MYH14: variants seen among roughly 807,000 people sequenced by gnomAD.
The protein encoded by MYH14 is myosin-14.
A neutral mutation model predicts 255.5 loss-of-function variants in MYH14; 123 were observed. The observed-to-expected ratio is 0.48, with a 90% confidence interval of 0.42 to 0.56. The LOEUF (loss-of-function observed/expected upper bound fraction) is 0.56. MYH14 is among the 20% of genes least tolerant of loss of function. The pLI is 0.00. For synonymous variants in MYH14, 1,095 were observed against 1,161.2 expected (o/e 0.94, Z 1.16); for missense variants, 2,423 against 2,802.3 (o/e 0.86, Z 3.06).
At position 50,309,804 on chromosome 19, in the gene MYH14, C is replaced by T. The variant is rs1255770083; in HGVS notation, c.*14C>T. On this transcript the variant is annotated 3_prime_UTR_variant, in exon 43 of 43. Transcript: ENST00000642316. ...CACCCCCAGTGACCCTACCCTGTCCCCAGATGCACTAACAGATGGGGCCCA... is the reference window on the plus strand; with the variant it reads ...CACCCCCAGTGACCCTACCCTGTCCTCAGATGCACTAACAGATGGGGCCCA... 3 of 1,568,534 alleles carry T rather than the reference C, an allele frequency of 1.9e-6. No individual in the cohort carries two copies. Among genetic ancestry groups the T allele is most frequent in the Non-Finnish European group, 8.6e-7 (1 of 1,156,264 alleles).
chr19:50,224,032 T>TGCCCCCCCCCCCCCCCCCCCCCCCCCCCC, intron 5 of MYH14, 122 bp from the exon 6 acceptor site: 1 of 610,328 alleles, frequency 1.6e-6, no homozygotes, highest in Non-Finnish European at 3.0e-6. Context: ...ATGCCCGGTT[T>TGCCCCCCCCCCCCCCCCCCCCCCCCCCCC]CCCCAGTCCC....
chr19:50,260,758 TGTGCGTGCATGA>T (rs773037920), intron 20 of MYH14, 43 bp downstream of exon 20: 15 of 1,451,972 alleles, frequency 1.0e-5, no homozygotes, highest in African/African-American at 9.7e-5. Flanking sequence ...CGTGTGTGTG[TGTGCGTGCATGA>T]GTGTGCGTGC....
chr19:50,238,054 G>A (rs2033738056), intron 10 of MYH14, among the ~76,000 whole-genome samples: 1 of 152,186 alleles, frequency 6.6e-6, no homozygotes, highest in South Asian at 2.1e-4. Flanking sequence ...ATCAAGGCAG[G>A]GTGTCTGTCC....
intron 23 of MYH14, among the ~76,000 whole-genome samples, chr19:50,267,907 C>G (rs1414774625): frequency 6.6e-6 from 1 of 151,774 alleles, no homozygotes; most frequent in Non-Finnish European, 1.5e-5. Context: ...CCAGAGAGAG[C>G]AGGGGTGCAG....
chr19:50,299,897 A>G (rs1448999737), intron 39 of MYH14, among the ~76,000 whole-genome samples: 1 of 152,202 alleles, frequency 6.6e-6, no homozygotes, highest in Non-Finnish European at 1.5e-5. Flanking sequence ...GTGAGCCGAG[A>G]TCGTGCCACT....
chr19:50,290,767 T>C, intron 35 of MYH14, 120 bp from the exon 36 acceptor site: 2 of 1,004,340 alleles, frequency 2.0e-6, no homozygotes, highest in Non-Finnish European at 2.9e-6. Context: ...AGTCAGGGAG[T>C]GAGAGGAGCG....
chr19:50,297,501 T>C (rs1390585142), intron 39 of MYH14, among the ~76,000 whole-genome samples: 4 of 134,146 alleles, frequency 3.0e-5, no homozygotes, highest in Non-Finnish European at 3.2e-5. Context: ...CTTTTTTTTT[T>C]TTTTTTTTTT....
At chr19:50,264,280 C>G (rs2035003228) in intron 22 of MYH14, among the ~76,000 whole-genome samples, 1 of 152,098 alleles carries the variant, frequency 6.6e-6, no homozygotes, top group South Asian at 2.1e-4. Flanking sequence ...GGGCTGGTCA[C>G]ACAGGCATGG....
chr19:50,242,462 G>T (rs188072875), intron 10 of MYH14, among the ~76,000 whole-genome samples: 1 of 152,202 alleles, frequency 6.6e-6, no homozygotes, highest in East Asian at 1.9e-4. Flanking sequence ...AGCAAAAGGG[G>T]TTTCCACTTA....
Position 50,286,645 on chromosome 19 carries a change from G to T in MYH14, c.4703G>T (p.Arg1568Leu). The T allele has an allele frequency of 6.3e-7, 1 of 1,588,928 alleles. No individual in the cohort carries two copies. Among genetic ancestry groups the T allele is most frequent in the East Asian group, 2.3e-5 (1 of 43,824 alleles). The change falls in exon 34 of 43, where the codon CGG becomes CTG. Residue 1568 changes from arginine (R) to leucine (L), a missense_variant. Transcript: ENST00000642316. Reference protein sequence around the residue: ...EELERQNRALRAELEALLSSK... With the variant: ...EELERQNRALLAELEALLSSK... ...CTGGAGCGGCAGAACCGGGCCCTGC[G>T]GGCTGAGCTGGAGGCACTGCTGAGC...
chr19:50,271,097 C>T (rs554888635), intron 24 of MYH14, among the ~76,000 whole-genome samples: 1 of 152,126 alleles, frequency 6.6e-6, no homozygotes, highest in Admixed American at 6.5e-5. Flanking sequence ...GGCAAGATCT[C>T]GCTCTGTTAC....
rs2035684196 is a variant in MYH14 at position 50,280,567 on chromosome 19, C to T, written c.4290+184C>T. 6.6e-6 allele frequency among the ~76,000 whole-genome samples: 1 copy of T among 152,196 alleles called. No homozygotes were observed. Among genetic ancestry groups the T allele is most frequent in the Admixed American group, 6.5e-5 (1 of 15,278 alleles). On this transcript the variant is annotated intron_variant, in intron 32 of 42. Transcript: ENST00000642316. This position sits in a 1 kb window ranked among gnomAD's most constrained non-coding sequence, Gnocchi z 4.8. ...TGCCCAGCCCTGGCTGTCCTGACCC[C>T]TGACTCTCAGCCTCATCCCTTGTCC...
At chr19:50,258,110 T>C (rs2034659593) in intron 18 of MYH14, among the ~76,000 whole-genome samples, 2 of 151,978 alleles carry the variant, frequency 1.3e-5, no homozygotes, top group African/African-American at 4.8e-5. Context: ...TCAATGGGAA[T>C]GGAAAACAAC....
intron 3 of MYH14, among the ~76,000 whole-genome samples, chr19:50,222,155 G>A (rs746803012): frequency 7.2e-5 from 11 of 152,216 alleles, no homozygotes; most frequent in South Asian, 2.1e-4. Context: ...GTCTCCTGGC[G>A]GGAATGGAGG....
rs554377792 is a variant in MYH14, at chr19:50,284,128, T to A, written c.4539+2286T>A. Among the ~76,000 whole-genome samples, 8 of 152,220 alleles carry A rather than the reference T, an allele frequency of 5.3e-5. No homozygotes were observed. In the South Asian group the frequency reaches 1.7e-3, roughly 32 times the overall value. ...CAAAAAAAAAGAAAGAAGTTATTTA[T>A]GTATTCTAAATGCAAGTTCTTTATC... On this transcript the variant is annotated intron_variant, in intron 33 of 42. Coordinates refer to ENST00000642316, the MANE Select transcript of MYH14 (RefSeq NM_001145809.2).
At chr19:50,265,397 T>C (rs1381549881) in intron 22 of MYH14, among the ~76,000 whole-genome samples, 4 of 151,362 alleles carry the variant, frequency 2.6e-5, no homozygotes, top group African/African-American at 9.7e-5. Context: ...GGTGCACACC[T>C]GTAGTCCCAG....
At position 50,230,747 on chromosome 19, in the gene MYH14, A is replaced by C. The variant is rs117528736; in HGVS notation, c.973+124A>C. On this transcript the variant is annotated intron_variant, in intron 9 of 42. Coordinates refer to ENST00000642316, the MANE Select transcript of MYH14 (RefSeq NM_001145809.2). This position sits in a 1 kb window ranked among gnomAD's most constrained non-coding sequence, Gnocchi z 4.7. ...AATATCCGTCAAACACCGACTTCGCATGAGGCTCCCGCAGCCCCTGCTCTC... is the reference window on the plus strand; with the variant it reads ...AATATCCGTCAAACACCGACTTCGCCTGAGGCTCCCGCAGCCCCTGCTCTC... 16,087 of 761,822 alleles carry C rather than the reference A, an allele frequency of 0.021. 232 individuals carry two copies. Among genetic ancestry groups the C allele is most frequent in the Middle Eastern group, 0.034 (145 of 4,250 alleles). 47.2% of individuals were successfully genotyped at this position (761,822 alleles called of 1,614,324 possible).
chr19:50,258,569 A>G (rs897092654), intron 18 of MYH14: 2 of 152,042 alleles, frequency 1.3e-5, no homozygotes, highest in African/African-American at 4.8e-5. Flanking sequence ...TCAAAATACA[A>G]AAATTAGCTG....
chr19:50,263,294 A>G lies in MYH14; in HGVS notation c.2586-18A>G. 1 of 1,510,656 alleles carries G rather than the reference A, an allele frequency of 6.6e-7. No individual in the cohort carries two copies. The highest frequency in any genetic ancestry group is 8.9e-7 in the Non-Finnish European group (1 of 1,121,948). The allele number at this position is 1,510,656 out of a possible 1,614,324, so 93.6% of individuals were successfully genotyped here. Reference sequence around the variant, plus strand: ...CCTGGAGGCTCCCACTCTGCCCCTCACCCATTTCCCCACCCAGGGCCTTCC... The same window carrying G: ...CCTGGAGGCTCCCACTCTGCCCCTCGCCCATTTCCCCACCCAGGGCCTTCC... On this transcript the variant is annotated intron_variant, in intron 21 of 42. Transcript: ENST00000642316.
Sources: allele counts gnomAD v4.1 joint callset (sites outside exome capture counted in the v4.1 genomes callset), GRCh38; gene constraint gnomAD v4.1.1; non-coding constraint Gnocchi (gnomAD v3.1); transcripts MANE v1.5; gene names NCBI Gene and HGNC (gene_info 2026-07-23, HGNC 2026-07-21).